The following CNTN4 variants were observed in gnomAD, a reference collection of about 807,000 sequenced individuals.
The protein encoded by CNTN4 is contactin 4.
In CNTN4, 77 loss-of-function variants were observed where a neutral mutation model predicts 122.5. That is an observed-to-expected ratio of 0.63 (90% confidence interval 0.52 to 0.76). The LOEUF is 0.76. Among genes scored for constraint, CNTN4 ranks in the 30% least tolerant of loss-of-function variants. The pLI, the probability that CNTN4 is intolerant of heterozygous loss-of-function variation, is 0.00. For missense variants in CNTN4, 1,256 were observed against 1,259.1 expected (o/e 1.00, Z 0.04); for synonymous variants, 512 against 447.0 (o/e 1.15, Z -1.83).
intron 4 of CNTN4, among the ~76,000 whole-genome samples, chr3:2,648,048 CA>C (rs1429242272): frequency 2.0e-5 from 3 of 152,198 alleles, no homozygotes. Context: ...TCCCAGTCAT[CA>C]CTGAGTGTAT....
intron 12 of CNTN4, among the ~76,000 whole-genome samples, chr3:2,917,362 C>CGGAGAG (rs372300840): frequency 6.6e-6 from 1 of 151,826 alleles, no homozygotes; most frequent in East Asian, 2.0e-4. Flanking sequence ...GAGACGGAGA[C>CGGAGAG]GGAGAGGTGT....
intron 7 of CNTN4, among the ~76,000 whole-genome samples, chr3:2,865,051 T>C (rs932995452): frequency 6.6e-6 from 1 of 152,156 alleles, no homozygotes; most frequent in Non-Finnish European, 1.5e-5. Flanking sequence ...CAATGTATTA[T>C]AGGGGCTTTT....
chr3:2,524,471 A>G (rs539199992), intron 3 of CNTN4, among the ~76,000 whole-genome samples: 108 of 152,238 alleles, frequency 7.1e-4, no homozygotes, highest in African/African-American at 2.5e-3. Context: ...TTGTGTGGAC[A>G]TACACCTAGG....
chr3:2,991,886 G>C (rs1297484266), intron 14 of CNTN4, among the ~76,000 whole-genome samples: 1 of 152,196 alleles, frequency 6.6e-6, no homozygotes, highest in African/African-American at 2.4e-5. Flanking sequence ...AAGGTGTTCT[G>C]TAACCTTAAA....
chr3:2,387,166 T>A (rs1308578597), intron 3 of CNTN4, among the ~76,000 whole-genome samples: 1 of 152,212 alleles, frequency 6.6e-6, no homozygotes, highest in African/African-American at 2.4e-5. Flanking sequence ...TACAATAATT[T>A]AAATGAATGA....
chr3:2,752,494 T>C (rs943343441), intron 6 of CNTN4, among the ~76,000 whole-genome samples: 1 of 152,284 alleles, frequency 6.6e-6, no homozygotes, highest in East Asian at 1.9e-4. Context: ...GCCTCCCATG[T>C]AGCTGGGAAT....
chr3:2,959,518 G>A (rs1373367903), intron 13 of CNTN4, among the ~76,000 whole-genome samples: 1 of 151,874 alleles, frequency 6.6e-6, no homozygotes, highest in Non-Finnish European at 1.5e-5. Context: ...TCATTGAGGA[G>A]CTTACCCTTG....
At chr3:2,387,388 A>G (rs796869506) in intron 3 of CNTN4, among the ~76,000 whole-genome samples, 2 of 152,256 alleles carry the variant, frequency 1.3e-5, no homozygotes, top group African/African-American at 4.8e-5. Flanking sequence ...CATTTAAAAA[A>G]TAAGTGTACA....
At chr3:3,032,119 T>A (rs1448934430) in intron 16 of CNTN4, among the ~76,000 whole-genome samples, 1 of 152,132 alleles carries the variant, frequency 6.6e-6, no homozygotes, top group Non-Finnish European at 1.5e-5. Flanking sequence ...AAAAAAACTT[T>A]CAGCAACAGT....
intron 4 of CNTN4, among the ~76,000 whole-genome samples, chr3:2,697,544 C>T (rs2086107428): frequency 6.6e-6 from 1 of 152,014 alleles, no homozygotes. Context: ...CATGTTTGTC[C>T]CCACAAAGAA....
At chr3:2,239,615 T>C (rs566176450) in intron 2 of CNTN4, among the ~76,000 whole-genome samples, 3 of 152,300 alleles carry the variant, frequency 2.0e-5, no homozygotes, top group Non-Finnish European at 2.9e-5. Flanking sequence ...GTCTCTTAGG[T>C]TCCTTTTATT....
At chr3:2,903,049 G>C in intron 12 of CNTN4, 44 bp downstream of exon 12, 2 of 1,590,074 alleles carry the variant, frequency 1.3e-6, no homozygotes, top group Non-Finnish European at 1.7e-6. Context: ...AAACTCTTTA[G>C]ATCACTAAAC....
intron 3 of CNTN4, among the ~76,000 whole-genome samples, chr3:2,426,141 G>T (rs2047823045): frequency 6.6e-6 from 1 of 152,098 alleles, no homozygotes; most frequent in Admixed American, 6.5e-5. Context: ...TCCCTGTCTT[G>T]TGCCAGTTTG....
rs142740777 is a variant in CNTN4 at position 2,753,245 on chromosome 3, A to T, written c.358+7548A>T. 3.9e-3 allele frequency among the ~76,000 whole-genome samples: 601 copies of T among 152,306 alleles called. 3 individuals carry two copies. Among genetic ancestry groups the T allele is most frequent in the African/African-American group, 0.013 (555 of 41,576 alleles). On this transcript the variant is annotated intron_variant, in intron 6 of 24. Coordinates refer to ENST00000418658, the MANE Select transcript of CNTN4 (RefSeq NM_175607.3). Reference sequence around the variant, plus strand: ...CTCCTTGGATTCAAATTCAGCTTCTATAATTTCGTGAGCTTGAACAAGGTA... The same window carrying T: ...CTCCTTGGATTCAAATTCAGCTTCTTTAATTTCGTGAGCTTGAACAAGGTA...
At chr3:2,771,853 G>A (rs1254485454) in intron 6 of CNTN4, among the ~76,000 whole-genome samples, 1 of 152,168 alleles carries the variant, frequency 6.6e-6, no homozygotes, top group Non-Finnish European at 1.5e-5. Context: ...GGGGTACACA[G>A]TAGGCTCCCC....
chr3:2,515,579 G>C (rs1441114400), intron 3 of CNTN4, among the ~76,000 whole-genome samples: 1 of 151,958 alleles, frequency 6.6e-6, no homozygotes, highest in Admixed American at 6.6e-5. Context: ...CATGAGATAG[G>C]AAAAATATTT....
intron 4 of CNTN4, among the ~76,000 whole-genome samples, chr3:2,672,480 G>A (rs1475665763): frequency 1.2e-4 from 19 of 152,178 alleles, no homozygotes; most frequent in Admixed American, 1.2e-3. Flanking sequence ...GTATTAGGGT[G>A]GGAGTGACCC....
At chr3:3,026,072 GTTA>G in intron 14 of CNTN4, 27 bp from the exon 15 acceptor site, 1 of 1,598,920 alleles carries the variant, frequency 6.3e-7, no homozygotes. Context: ...CTTTGTTGTT[GTTA>G]TTGTTTGTTT....
At chr3:2,197,255 C>CTGTGTATGTAG (rs2037887574) in intron 2 of CNTN4, among the ~76,000 whole-genome samples, 1 of 152,142 alleles carries the variant, frequency 6.6e-6, no homozygotes, top group Admixed American at 6.5e-5. Flanking sequence ...CTCTGTTTAC[C>CTGTGTATGTAG]TGGATTCATC....
Sources: gnomAD v4.1 joint callset for allele counts (sites outside exome capture counted in the v4.1 genomes callset) on GRCh38, gnomAD v4.1.1 for gene constraint, MANE v1.5 for transcripts, NCBI Gene and HGNC (gene_info 2026-07-23, HGNC 2026-07-21) for gene names.